Variants in ACTR3C observed in about 807,000 individuals in gnomAD.
The protein encoded by ACTR3C is actin-related protein 3C.
ACTR3C carries 18 observed loss-of-function variants against 26.3 expected under a neutral mutation model. The observed-to-expected ratio is 0.68, with a 90% CI of 0.47 to 1.01. The LOEUF is 1.01. Ranked by LOEUF, ACTR3C falls within the 50% of genes least tolerant of loss-of-function variation. ACTR3C has a pLI of 0.00. For synonymous variants in ACTR3C, 55 were observed against 94.5 expected (o/e 0.58, Z 2.42); for missense variants, 184 against 250.7 (o/e 0.73, Z 1.80).
chr7:149,931,362 A>G, the ACTR3C span, among the ~76,000 whole-genome samples: 4 of 152,052 alleles, frequency 2.6e-5, no homozygotes, highest in African/African-American at 4.8e-5. Context: ...CTCCCCTCTT[A>G]TGATGCACAG....
chr7:150,281,427 C>A (rs1405629103), intron 6 of ACTR3C, among the ~76,000 whole-genome samples: 1 of 150,374 alleles, frequency 6.7e-6, no homozygotes, highest in Non-Finnish European at 1.5e-5. Context: ...GGGAGTGCAC[C>A]GAGCAGGAGC....
chr7:150,203,645 A>C, the ACTR3C span, among the ~76,000 whole-genome samples: 976 of 152,172 alleles, frequency 6.4e-3, 9 homozygotes, highest in African/African-American at 0.023. Flanking sequence ...GGCTCACTGC[A>C]ACCTCCACCT....
chr7:149,908,586 C>T, the ACTR3C span, among the ~76,000 whole-genome samples: 3 of 152,216 alleles, frequency 2.0e-5, no homozygotes, highest in African/African-American at 7.2e-5. Flanking sequence ...TCCCTGTCGA[C>T]ATTCCCCACT....
At chr7:150,038,474 C>T in the ACTR3C span, among the ~76,000 whole-genome samples, 1 of 143,514 alleles carries the variant, frequency 7.0e-6, no homozygotes, top group Non-Finnish European at 1.5e-5. Flanking sequence ...GTCCCCGCCC[C>T]ATTTGTGACC....
chr7:150,142,519 T>C, the ACTR3C span, among the ~76,000 whole-genome samples: 5 of 152,142 alleles, frequency 3.3e-5, no homozygotes, highest in African/African-American at 1.2e-4. Flanking sequence ...TGTGGTCTAT[T>C]TGCTTGTTTT....
At chr7:149,926,222 A>C in the ACTR3C span, among the ~76,000 whole-genome samples, 3 of 152,236 alleles carry the variant, frequency 2.0e-5, no homozygotes, top group African/African-American at 7.2e-5. Context: ...CAAATGATAA[A>C]TAGGGGAAAT....
chr7:150,260,196 G>GA (rs1398586385), intron 6 of ACTR3C, among the ~76,000 whole-genome samples: 4 of 152,150 alleles, frequency 2.6e-5, no homozygotes, highest in African/African-American at 9.7e-5. Flanking sequence ...GCCCTGTACA[G>GA]AAAAAAGTTT....
the ACTR3C span, among the ~76,000 whole-genome samples, chr7:149,977,430 C>T: frequency 6.6e-6 from 1 of 152,222 alleles, no homozygotes; most frequent in African/African-American, 2.4e-5. Context: ...CCCTGTCTTC[C>T]TCTCTGCCAA....
the ACTR3C span, among the ~76,000 whole-genome samples, chr7:149,918,365 A>C: frequency 6.6e-6 from 1 of 152,112 alleles, no homozygotes; most frequent in East Asian, 1.9e-4. Flanking sequence ...CCAAAGCAAA[A>C]AAAATTTTTA....
the ACTR3C span, among the ~76,000 whole-genome samples, chr7:150,180,658 G>GC: frequency 6.7e-6 from 1 of 148,392 alleles, no homozygotes; most frequent in Non-Finnish European, 1.5e-5. Flanking sequence ...GACTACAGGC[G>GC]CGCGCCACCA....
the ACTR3C span, among the ~76,000 whole-genome samples, chr7:149,985,398 T>C: frequency 6.6e-6 from 1 of 152,186 alleles, no homozygotes; most frequent in Non-Finnish European, 1.5e-5. Flanking sequence ...ACACCGGTGA[T>C]AGGACTGATA....
the ACTR3C span, among the ~76,000 whole-genome samples, chr7:150,013,865 G>A: frequency 6.6e-6 from 1 of 152,202 alleles, no homozygotes; most frequent in Non-Finnish European, 1.5e-5. Flanking sequence ...AGGTGGGTAG[G>A]GAGGATGGCA....
intron 6 of ACTR3C, among the ~76,000 whole-genome samples, chr7:150,273,663 C>T (rs2530945): frequency 6.6e-6 from 1 of 150,412 alleles, no homozygotes; most frequent in African/African-American, 2.5e-5. Flanking sequence ...GAAATCCTTC[C>T]TTCAGTAAGA....
the ACTR3C span, among the ~76,000 whole-genome samples, chr7:149,993,080 C>T: frequency 6.6e-6 from 1 of 150,624 alleles, no homozygotes; most frequent in Admixed American, 6.6e-5. Flanking sequence ...GCTTATCTTA[C>T]CTTCTTCTGC....
At chr7:150,036,169 C>G in the ACTR3C span, among the ~76,000 whole-genome samples, 19 of 75,588 alleles carry the variant, frequency 2.5e-4, 2 homozygotes, top group East Asian at 1.9e-3. Context: ...CCTCCCCCCC[C>G]GCGATGGGAG....
At chr7:150,280,614 G>C (rs1250042042) in intron 6 of ACTR3C, among the ~76,000 whole-genome samples, 1 of 152,060 alleles carries the variant, frequency 6.6e-6, no homozygotes, top group Admixed American at 6.6e-5. Context: ...AAGAGGGTAC[G>C]GTGTAGTGGA....
chr7:150,202,484 GTAAA>G, the ACTR3C span, among the ~76,000 whole-genome samples: 11 of 151,998 alleles, frequency 7.2e-5, no homozygotes, highest in African/African-American at 2.4e-4. Context: ...ATTTTAGTAA[GTAAA>G]TGTCATTCAG....
the ACTR3C span, among the ~76,000 whole-genome samples, chr7:150,098,433 C>T: frequency 2.0e-5 from 3 of 151,772 alleles, no homozygotes; most frequent in Admixed American, 6.6e-5. Flanking sequence ...AGTCAAGGCT[C>T]ATTGTCCGTA....
At chr7:149,940,434 C>G in the ACTR3C span, among the ~76,000 whole-genome samples, 1,132 of 151,808 alleles carry the variant, frequency 7.5e-3, 11 homozygotes, top group African/African-American at 0.026. Context: ...ACTTAATGGT[C>G]CCTCTAGTCT....
Sources: gnomAD v4.1 joint callset for allele counts (sites outside exome capture counted in the v4.1 genomes callset) on GRCh38, gnomAD v4.1.1 for gene constraint, MANE v1.5 for transcripts, NCBI Gene and HGNC (gene_info 2026-07-23, HGNC 2026-07-21) for gene names.